RUNX1T1: variants seen among roughly 807,000 people sequenced by gnomAD.
RUNX1T1 encodes the protein protein CBFA2T1.
Under a neutral mutation model 62.8 loss-of-function variants are expected in RUNX1T1, and 4 were observed. That is an observed-to-expected ratio of 0.06 (90% CI 0.03 to 0.15). The LOEUF (loss-of-function observed/expected upper bound fraction) is 0.15, where lower values mean the gene tolerates loss of function less well. Ranked by LOEUF, RUNX1T1 falls within the 10% of genes least tolerant of loss-of-function variation. RUNX1T1 has a pLI of 1.00. For synonymous variants in RUNX1T1, 291 were observed against 286.0 expected (o/e 1.02, Z -0.18); for missense variants, 508 against 754.3 (o/e 0.67, Z 3.82).
chr8:91,979,799 A>G, intron 8 of RUNX1T1: 1 of 529,924 alleles, frequency 1.9e-6, no homozygotes, highest in Non-Finnish European at 3.7e-6. Flanking sequence ...ACCATTGGAT[A>G]CTAGATACTG....
intron 9 of RUNX1T1, 152 bp downstream of exon 10, chr8:91,975,753 G>T: frequency 1.7e-6 from 1 of 600,136 alleles, no homozygotes; most frequent in Non-Finnish European, 3.1e-6. Flanking sequence ...TATTAATCAG[G>T]TGTTTTGTTT....
chr8:91,988,281 C>T (rs1417117797), intron 6 of RUNX1T1, among the ~76,000 whole-genome samples: 2 of 151,958 alleles, frequency 1.3e-5, no homozygotes, highest in African/African-American at 4.8e-5. Flanking sequence ...ATATAAGATG[C>T]TTTGTACCAT....
At chr8:92,102,937 G>GCGGGGCGA, upstream of RUNX1T1, 2 of 1,503,796 alleles carry the variant, frequency 1.3e-6, no homozygotes, top group South Asian at 1.2e-5. This position sits in a 1 kb window ranked among gnomAD's most constrained non-coding sequence, Gnocchi z 4.5. Flanking sequence ...CGGCCGGCCC[G>GCGGGGCGA]CGGGGCGACG....
Position 92,076,101 on chromosome 8 carries a change from C to T in RUNX1T1, c.-49G>A, listed in dbSNP as rs1176134070. 3.2e-6 allele frequency: 5 copies of T among 1,587,028 alleles called. No homozygotes were observed. The East Asian group carries it at 6.8e-5, about 21-fold the overall frequency. On this transcript the variant is annotated 5_prime_UTR_variant, in exon 2 of 12. Coordinates refer to the RUNX1T1 transcript ENST00000265814. ...TTCCTCTCTCCTTTTCTGACTGGGA[C>T]AGAGATTATGTTCACCAGCCCAGAG...
At chr8:92,006,953 A>G (rs1220084667) in intron 4 of RUNX1T1, among the ~76,000 whole-genome samples, 1 of 152,206 alleles carries the variant, frequency 6.6e-6, no homozygotes, top group African/African-American at 2.4e-5. Context: ...AGATAAATGC[A>G]TGCCATACAC....
At chr8:92,048,491 C>T (rs1244802000) in intron 1 of RUNX1T1, among the ~76,000 whole-genome samples, 2 of 151,328 alleles carry the variant, frequency 1.3e-5, no homozygotes, top group East Asian at 3.9e-4. Context: ...CCAGCCTGGA[C>T]AACACAGTGA....
chr8:92,015,396 A>G (rs971938199), intron 2 of RUNX1T1, among the ~76,000 whole-genome samples: 3 of 152,222 alleles, frequency 2.0e-5, no homozygotes, highest in East Asian at 3.8e-4. Context: ...GGAAAAATGC[A>G]TATTTTATGT....
At chr8:92,023,922 G>A (rs1446351608) in intron 1 of RUNX1T1, among the ~76,000 whole-genome samples, 1 of 152,058 alleles carries the variant, frequency 6.6e-6, no homozygotes, top group Non-Finnish European at 1.5e-5. Context: ...TTAGAGTTGA[G>A]GGTAGAAAAC....
chr8:91,984,929 C>G (rs1816237130), intron 8 of RUNX1T1, among the ~76,000 whole-genome samples: 1 of 152,104 alleles, frequency 6.6e-6, no homozygotes, highest in Non-Finnish European at 1.5e-5. Flanking sequence ...TAGACTCTTT[C>G]ATTATTTAAT....
rs943141897 is a variant in RUNX1T1 at position 92,095,480 on chromosome 8, A to T, written c.-86+4100T>A. The T allele has an allele frequency of 7.2e-6, 11 of 1,530,380 alleles. No homozygotes were observed. The African/African-American group carries it at 8.2e-5, about 11-fold the overall frequency. 94.8% of individuals were successfully genotyped at this position (1,530,380 alleles called of 1,614,324 possible). A position where few individuals can be genotyped will look rare whatever the true frequency, so the allele number is the denominator to read the frequency against. ...CAGGATGGCACATTGTGTGTGAGTGAGTGTGTGAGCGCAGGAGGGAGAGGA... is the reference window on the plus strand; with the variant it reads ...CAGGATGGCACATTGTGTGTGAGTGTGTGTGTGAGCGCAGGAGGGAGAGGA... On this transcript the variant is annotated intron_variant, in intron 1 of 11. Coordinates refer to the RUNX1T1 transcript ENST00000265814.
chr8:91,970,539 C>T (rs565391433), intron 10 of RUNX1T1, 119 bp downstream of exon 11: 1 of 900,970 alleles, frequency 1.1e-6, no homozygotes, highest in South Asian at 2.5e-5. Flanking sequence ...TTGACTTTCC[C>T]CACACTGTTC....
chr8:91,957,658 C>T, downstream of RUNX1T1: 1 of 227,200 alleles, frequency 4.4e-6, no homozygotes, highest in Non-Finnish European at 8.7e-6. Context: ...GTATGACATA[C>T]CTCATTTTTG....
chr8:92,008,388 T>TCTCACACACACA lies in RUNX1T1; in HGVS notation c.477+2613_477+2614insTGTGTGTGTGAG, dbSNP rs1554617950. ...ACATATCTCTCTCTCTCTCTCTCTC[T>TCTCACACACACA]CACACACACACACACACACACACAC... is the stretch of plus-strand genomic sequence containing the variant. On this transcript the variant is annotated intron_variant, in intron 4 of 10. Transcript: ENST00000396218. Among the ~76,000 whole-genome samples, 101 of 131,966 alleles carry TCTCACACACACA rather than the reference T, an allele frequency of 7.7e-4. 1 individual carries two copies. Among genetic ancestry groups the TCTCACACACACA allele is most frequent in the African/African-American group, 2.8e-3 (95 of 34,334 alleles). 86.6% of individuals were successfully genotyped at this position (131,966 alleles called of 152,430 possible). A position where few individuals can be genotyped will look rare whatever the true frequency, so the allele number is the denominator to read the frequency against.
chr8:91,970,366 A>G (rs1432831484), intron 10 of RUNX1T1, among the ~76,000 whole-genome samples: 2 of 152,184 alleles, frequency 1.3e-5, no homozygotes, highest in Non-Finnish European at 2.9e-5. Context: ...CATACACAAC[A>G]GACACACACA....
exon 11 of RUNX1T1, chr8:91,959,458 GTGTGTGTGTA>G (rs1265461814): frequency 7.6e-5 from 9 of 119,154 alleles, no homozygotes; most frequent in East Asian, 5.3e-4. Context: ...GTGTGTGTGT[GTGTGTGTGTA>G]TATGTGCGTG....
upstream of RUNX1T1, chr8:92,103,278 C>T: frequency 8.7e-6 from 2 of 229,890 alleles, no homozygotes; most frequent in Non-Finnish European, 1.7e-5. Flanking sequence ...GTCTCCCTCG[C>T]CCGCCCTCGC....
chr8:91,972,392 GAT>G (rs1813032512), intron 9 of RUNX1T1, among the ~76,000 whole-genome samples: 1 of 152,044 alleles, frequency 6.6e-6, no homozygotes, highest in African/African-American at 2.4e-5. Context: ...ATAAGTAAAA[GAT>G]CCATAGTGGA....
chr8:92,008,672 G>A (rs376310952), intron 4 of RUNX1T1, among the ~76,000 whole-genome samples: 3 of 152,166 alleles, frequency 2.0e-5, no homozygotes, highest in Middle Eastern at 3.4e-3. Context: ...CAAAGCATTC[G>A]CTGGCTCCCA....
chr8:92,079,536 T>TAAA (rs944072314), intron 1 of RUNX1T1, among the ~76,000 whole-genome samples: 2 of 152,214 alleles, frequency 1.3e-5, no homozygotes, highest in Admixed American at 1.3e-4. Context: ...AGACACTGTG[T>TAAA]GATTTGGGTG....
Sources: gnomAD v4.1 joint callset for allele counts (sites outside exome capture counted in the v4.1 genomes callset) on GRCh38, gnomAD v4.1.1 for gene constraint, Gnocchi (gnomAD v3.1) non-coding constraint, MANE v1.5 for transcripts, NCBI Gene and HGNC (gene_info 2026-07-23, HGNC 2026-07-21) for gene names.